Variants in CSNK1G2 observed in about 807,000 individuals in gnomAD.
The protein encoded by CSNK1G2 is casein kinase I isoform gamma-2.
CSNK1G2 carries 11 observed loss-of-function variants against 48.0 expected under a neutral mutation model. The ratio of observed to expected loss-of-function variants is 0.23; its 90% CI spans 0.14 to 0.38. The LOEUF (loss-of-function observed/expected upper bound fraction) is 0.38. CSNK1G2 is among the 10% of genes least tolerant of loss of function. The pLI, the probability that CSNK1G2 is intolerant of heterozygous loss-of-function variation, is 1.00. For synonymous variants in CSNK1G2, 337 were observed against 254.1 expected (o/e 1.33, Z -3.10); for missense variants, 446 against 595.5 (o/e 0.75, Z 2.61).
rs1323545446 is a variant in CSNK1G2 at position 1,978,703 on chromosome 19, G to A, written c.400G>A (p.Asp134Asn). Residue 134 changes from aspartate to asparagine, a missense_variant, in exon 5 of 12, where the codon GAC becomes AAC. Asp to Asn is a conservative substitution (Grantham distance 23, BLOSUM62 1). Coordinates refer to ENST00000255641, the MANE Select transcript of CSNK1G2 (RefSeq NM_001319.7). The surrounding 1 kb of genome is among the most constrained non-coding windows in gnomAD (Gnocchi z 7.3). Reference sequence around the variant, plus strand: ...CCTGGAGGACCTGTTCGACCTGTGCGACCGGACCTTCACGCTCAAGACGGT... The same window carrying A: ...CCTGGAGGACCTGTTCGACCTGTGCAACCGGACCTTCACGCTCAAGACGGT... ...PSLEDLFDLC[D>N]RTFTLKTVLM... The A allele has an allele frequency of 1.2e-6, 2 of 1,602,060 alleles. No individual in the cohort carries two copies. The highest frequency in any genetic ancestry group is 2.3e-5 in the East Asian group (1 of 44,318).
Position 1,978,530 on chromosome 19 carries a change from G to C in CSNK1G2, c.298+19G>C. On this transcript the variant is annotated intron_variant, in intron 4 of 11. Transcript: ENST00000255641. This position sits in a 1 kb window ranked among gnomAD's most constrained non-coding sequence, Gnocchi z 7.3. ...GCCACAGGTACCGGGCGGCCCGCGG[G>C]TGGGGCGGGGGCTGCGCAGGGGCAG... The C allele has an allele frequency of 6.4e-7, 1 of 1,571,068 alleles. No individual in the cohort carries two copies.
At chr19:1,963,799 C>T (rs1387892721) in intron 1 of CSNK1G2, among the ~76,000 whole-genome samples, 10 of 148,136 alleles carry the variant, frequency 6.8e-5, no homozygotes, top group African/African-American at 2.5e-4. Flanking sequence ...TGAACCACTG[C>T]GCCCAGCCTC....
At position 1,979,547 on chromosome 19, in the gene CSNK1G2, G is replaced by A. The variant is rs1248895110; in HGVS notation, c.906G>A (p.Lys302=). Residue 302 remains lysine (K), a synonymous_variant, in exon 9 of 12, where the codon AAG becomes AAA. Coordinates refer to ENST00000255641, the MANE Select transcript of CSNK1G2 (RefSeq NM_001319.7). ...RYVRRLDFFE[K]PDYDYLRKLF... ...TGCGGCGCCTGGACTTCTTCGAGAA[G>A]CCCGACTATGACTACCTGCGGAAGC... The A allele has an allele frequency of 2.5e-6, 4 of 1,608,800 alleles. No individual in the cohort carries two copies. Among genetic ancestry groups the A allele is most frequent in the Middle Eastern group, 1.7e-4 (1 of 5,970 alleles).
intron 1 of CSNK1G2, among the ~76,000 whole-genome samples, chr19:1,960,455 T>C (rs937584848): frequency 6.6e-6 from 1 of 152,206 alleles, no homozygotes; most frequent in African/African-American, 2.4e-5. Context: ...CTCTGGGCAG[T>C]GTCCCCTCGG....
At chr19:1,972,733 T>C (rs7507732) in intron 2 of CSNK1G2, among the ~76,000 whole-genome samples, 84,303 of 151,764 alleles carry the variant, frequency 0.56, 26,537 homozygotes, top group African/African-American at 0.85. Context: ...AGCAATTCTC[T>C]TGCCTCAGCC....
At position 1,980,338 on chromosome 19, in the gene CSNK1G2, G is replaced by C. The variant is rs1337482670; in HGVS notation, c.*135G>C. On this transcript the variant is annotated 3_prime_UTR_variant, in exon 12 of 12. Transcript: ENST00000255641. ...GGAAGCCAGAACGCAGACTGCAGGG[G>C]CCGCGCCTGGCTCAGGCGGCCCCAC... 9.1e-7 allele frequency: 1 copy of C among 1,099,950 alleles called. No individual in the cohort carries two copies. Among genetic ancestry groups the C allele is most frequent in the Non-Finnish European group, 1.3e-6 (1 of 741,354 alleles). The allele number at this position is 1,099,950 out of a possible 1,614,324, so 68.1% of individuals were successfully genotyped here.
chr19:1,945,982 A>G (rs1324792385), intron 1 of CSNK1G2, among the ~76,000 whole-genome samples: 1 of 152,186 alleles, frequency 6.6e-6, no homozygotes, highest in African/African-American at 2.4e-5. Context: ...GAGTGGGGCA[A>G]GAGACTCTGG....
intron 1 of CSNK1G2, among the ~76,000 whole-genome samples, chr19:1,951,676 C>G (rs2014767865): frequency 9.1e-6 from 1 of 109,678 alleles, no homozygotes; most frequent in Non-Finnish European, 2.2e-5. Context: ...CCCCACCTTC[C>G]TCTTCTCTGC....
chr19:1,950,361 G>C (rs936177115), intron 1 of CSNK1G2, among the ~76,000 whole-genome samples: 7 of 146,458 alleles, frequency 4.8e-5, no homozygotes, highest in Non-Finnish European at 8.9e-5. Context: ...GGATGGTCTT[G>C]ATCTCCAGAC....
rs569600798 is a variant in CSNK1G2 at position 1,978,407 on chromosome 19, C to A, written c.229-35C>A. The A allele has an allele frequency of 6.2e-7, 1 of 1,611,472 alleles. No homozygotes were observed. The highest frequency in any genetic ancestry group is 8.5e-7 in the Non-Finnish European group (1 of 1,179,424). On this transcript the variant is annotated intron_variant, in intron 3 of 11. Transcript: ENST00000255641. The surrounding 1 kb of genome is among the most constrained non-coding windows in gnomAD (Gnocchi z 7.3). Reference sequence around the variant, plus strand: ...CCCCCCAGGGATTTCAGGGCAGCGACCCGGTCCCCTGGTGACTCGCTCTTG... The same window carrying A: ...CCCCCCAGGGATTTCAGGGCAGCGAACCGGTCCCCTGGTGACTCGCTCTTG...
chr19:1,965,123 C>T (rs113207907), intron 1 of CSNK1G2, among the ~76,000 whole-genome samples: 1,738 of 148,422 alleles, frequency 0.012, 32 homozygotes, highest in African/African-American at 0.041. Flanking sequence ...CGGCCGGGCG[C>T]GGTGGCTCAC....
At chr19:1,977,604 T>C (rs1336548479) in intron 2 of CSNK1G2, among the ~76,000 whole-genome samples, 3 of 151,760 alleles carry the variant, frequency 2.0e-5, no homozygotes, top group Non-Finnish European at 4.4e-5. Context: ...AATACAAAAA[T>C]TAGTTGGGTG....
At chr19:1,972,049 G>A (rs2015592477) in intron 2 of CSNK1G2, among the ~76,000 whole-genome samples, 1 of 152,322 alleles carries the variant, frequency 6.6e-6, no homozygotes, top group Non-Finnish European at 1.5e-5. Context: ...GATTACAGGC[G>A]TGAGCCACTG....
chr19:1,974,303 G>C (rs755980417), intron 2 of CSNK1G2, among the ~76,000 whole-genome samples: 3 of 152,142 alleles, frequency 2.0e-5, no homozygotes, highest in Non-Finnish European at 4.4e-5. Context: ...TGGCAAGAAG[G>C]CATGGTGGAA....
intron 1 of CSNK1G2, among the ~76,000 whole-genome samples, chr19:1,948,684 G>A (rs531633857): frequency 1.3e-5 from 2 of 152,176 alleles, no homozygotes; most frequent in Non-Finnish European, 1.5e-5. Flanking sequence ...ACGTGTGCAC[G>A]CAAGTGGTTT....
rs1217408406 is a variant in CSNK1G2 at position 1,968,212 on chromosome 19, C to T, written c.-265-1296C>T. ...TCCTCCCTCCTCCCTCCTCCCCAGG[C>T]TGCCCCAGACCACCCTTCAGTTCTG... On this transcript the variant is annotated intron_variant, in intron 1 of 11. Coordinates refer to ENST00000255641, the MANE Select transcript of CSNK1G2 (RefSeq NM_001319.7). 4.9e-5 allele frequency among the ~76,000 whole-genome samples: 3 copies of T among 61,396 alleles called. 1 individual carries two copies. The highest frequency in any genetic ancestry group is 8.2e-5 in the Non-Finnish European group (3 of 36,534). 40.3% of individuals were successfully genotyped at this position (61,396 alleles called of 152,430 possible).
At chr19:1,976,578 C>G (rs2015763485) in intron 2 of CSNK1G2, among the ~76,000 whole-genome samples, 1 of 152,186 alleles carries the variant, frequency 6.6e-6, no homozygotes. Context: ...CCAGGTGGGA[C>G]CCCAGCCTCA....
intron 1 of CSNK1G2, chr19:1,952,635 C>G (rs2014809799): frequency 6.1e-6 from 1 of 162,856 alleles, no homozygotes. Context: ...ATTAAAAAAA[C>G]CCGATCCTTG....
Position 1,979,309 on chromosome 19 carries a change from A to G in CSNK1G2, c.769-10A>G, listed in dbSNP as rs757693955. On this transcript the variant is annotated splice_polypyrimidine_tract_variant and intron_variant, in intron 7 of 11. Transcript: ENST00000255641. Reference sequence around the variant, plus strand: ...AGGGCGGGAGCAAGGCTGACCACAGACCCCCGCAGGCCGACACGCTCAAGG... The same window carrying G: ...AGGGCGGGAGCAAGGCTGACCACAGGCCCCCGCAGGCCGACACGCTCAAGG... 134 of 1,593,646 alleles carry G rather than the reference A, an allele frequency of 8.4e-5. No individual in the cohort carries two copies. Among genetic ancestry groups the G allele is most frequent in the Non-Finnish European group, 1.1e-4 (130 of 1,171,878 alleles).
Sources: gnomAD v4.1 joint callset for allele counts (sites outside exome capture counted in the v4.1 genomes callset) on GRCh38, gnomAD v4.1.1 for gene constraint, Gnocchi (gnomAD v3.1) non-coding constraint, MANE v1.5 for transcripts, NCBI Gene and HGNC (gene_info 2026-07-23, HGNC 2026-07-21) for gene names.